VAC14: variants seen among roughly 807,000 people sequenced by gnomAD.
VAC14 encodes the protein VAC14 component of PIKFYVE complex, also known as protein VAC14 homolog.
Under a neutral mutation model 85.3 loss-of-function variants are expected in VAC14, and 47 were observed. The ratio of observed to expected loss-of-function variants is 0.55; its 90% CI spans 0.44 to 0.70. The LOEUF (loss-of-function observed/expected upper bound fraction) is 0.70, where lower values mean the gene tolerates loss of function less well. Ranked by LOEUF, VAC14 falls within the 30% of genes least tolerant of loss-of-function variation. The pLI, the probability that VAC14 is intolerant of heterozygous loss-of-function variation, is 0.00. For missense variants in VAC14, 861 were observed against 1,004.3 expected, an observed-to-expected ratio of 0.86 and a Z score of 1.93; for synonymous variants, 447 against 430.5, an observed-to-expected ratio of 1.04 and a Z score of -0.47.
At chr16:70,693,773 G>A (rs954791329) in intron 17 of VAC14, among the ~76,000 whole-genome samples, 6 of 152,212 alleles carry the variant, frequency 3.9e-5, no homozygotes, top group Non-Finnish European at 7.3e-5. Context: ...CTACTTCCTT[G>A]TGTCCCTAGG....
Position 70,780,890 on chromosome 16 carries a change from G to A in VAC14, c.996C>T (p.Val332=), listed in dbSNP as rs1335864821. The A allele has an allele frequency of 6.2e-7, 1 of 1,614,062 alleles. No individual in the cohort carries two copies. Among genetic ancestry groups the A allele is most frequent in the Non-Finnish European group, 8.5e-7 (1 of 1,180,046 alleles). Residue 332 remains valine, a synonymous_variant, in exon 9 of 19, where the codon GTC becomes GTT. Transcript: ENST00000261776. ...CATCCAGCTCGTCGTCCTCGGGGGT[G>A]ACCAGCTTCATCAGGCTCTGGTTGC... ...NVCNQSLMKL[V]TPEDDELDEL...
At chr16:70,688,160 T>G (rs1201379730) in intron 18 of VAC14, 70 bp from the exon 19 acceptor site, 36 of 1,411,986 alleles carry the variant, frequency 2.5e-5, no homozygotes, top group Non-Finnish European at 3.1e-5. Context: ...TGGAGGGCAG[T>G]GGGGTCAGAG....
chr16:70,722,601 A>G (rs2054322424), intron 14 of VAC14, among the ~76,000 whole-genome samples: 1 of 152,190 alleles, frequency 6.6e-6, no homozygotes, highest in South Asian at 2.1e-4. Flanking sequence ...GGGACAAGAG[A>G]AAGAGCTTCC....
intron 10 of VAC14, among the ~76,000 whole-genome samples, chr16:70,767,631 T>C (rs2032918562): frequency 6.6e-6 from 1 of 152,138 alleles, no homozygotes; most frequent in Admixed American, 6.6e-5. Context: ...AAAGTGGAAC[T>C]CTCCAACTGC....
At position 70,695,698 on chromosome 16, in the gene VAC14, C is replaced by A. The variant is rs1056587169; in HGVS notation, c.1956-75G>T. 5.8e-5 allele frequency: 83 copies of A among 1,441,534 alleles called. No homozygotes were observed. In the Admixed American group the frequency reaches 9.0e-4, roughly 16 times the overall value. The allele number at this position is 1,441,534 out of a possible 1,614,324, so 89.3% of individuals were successfully genotyped here. A position where few individuals can be genotyped will look rare whatever the true frequency, so the allele number is the denominator to read the frequency against. Reference sequence around the variant, plus strand: ...GCTCACAGCACCACACGCCCTCCCCCCCTGCACCTGGCTTCCTGTGCACAG... The same window carrying A: ...GCTCACAGCACCACACGCCCTCCCCACCTGCACCTGGCTTCCTGTGCACAG... On this transcript the variant is annotated intron_variant, in intron 16 of 18. Transcript: ENST00000261776.
intron 14 of VAC14, among the ~76,000 whole-genome samples, chr16:70,702,116 T>G (rs2142992884): frequency 6.6e-6 from 1 of 152,286 alleles, no homozygotes; most frequent in Non-Finnish European, 1.5e-5. Flanking sequence ...CTCCACCCCC[T>G]CCGCCAGGCC....
chr16:70,691,160 T>C, intron 18 of VAC14: 1 of 985,506 alleles, frequency 1.0e-6, no homozygotes, highest in Non-Finnish European at 1.2e-6. Flanking sequence ...TCTGCAAACT[T>C]GTTCTACCCT....
chr16:70,704,872 C>A (rs529571353), intron 14 of VAC14, among the ~76,000 whole-genome samples: 8 of 152,172 alleles, frequency 5.3e-5, no homozygotes, highest in Admixed American at 5.2e-4. Context: ...GGCTCCCTGC[C>A]GTGCTCCGCC....
chr16:70,799,152 C>G (rs185753853), intron 1 of VAC14, among the ~76,000 whole-genome samples: 1 of 152,124 alleles, frequency 6.6e-6, no homozygotes, highest in African/African-American at 2.4e-5. Flanking sequence ...ACAATAAAAC[C>G]GGATATTCCT....
rs1324244905 is a variant in VAC14 at position 70,687,676 on chromosome 16, G to GT, written c.*251_*252insA. 4 of 382,488 alleles carry GT rather than the reference G, an allele frequency of 1.0e-5. No individual in the cohort carries two copies. Among genetic ancestry groups the GT allele is most frequent in the Non-Finnish European group, 1.8e-5 (4 of 216,746 alleles). 23.7% of individuals were successfully genotyped at this position (382,488 alleles called of 1,614,324 possible). On this transcript the variant is annotated 3_prime_UTR_variant, in exon 19 of 19. Transcript: ENST00000261776. Reference sequence around the variant, plus strand: ...TTCCAGAGGATGAGTGGTCTCTGAGGCTATAGCCCCCCACTGGGTGGGCAG... The same window carrying GT: ...TTCCAGAGGATGAGTGGTCTCTGAGGTCTATAGCCCCCCACTGGGTGGGCAG...
intron 13 of VAC14, among the ~76,000 whole-genome samples, chr16:70,742,278 A>C (rs1333417112): frequency 6.6e-6 from 1 of 152,072 alleles, no homozygotes; most frequent in East Asian, 1.9e-4. Context: ...TCCCTGCAGG[A>C]TGCCTCCTCT....
At position 70,784,786 on chromosome 16, in the gene VAC14, C is replaced by T. The variant is rs746878276; in HGVS notation, c.476G>A (p.Arg159His). ...ACAAAGTACAAATACCTTTAAAAGG[C>T]GGTCTAGGAGCTCAGATCCGCTTTT... is the stretch of plus-strand genomic sequence containing the variant. ...NVKSGSELLD[R>H]LLKDIVTESN... is the part of the protein sequence containing the mutation. The change falls in exon 4 of 19, where the codon CGC becomes CAC. Residue 159 changes from arginine (R) to histidine (H), a missense_variant. This residue lies in a region of VAC14 where 629 missense variants were observed against 703.1 expected (regional missense o/e 0.89). Transcript: ENST00000261776. The T allele has an allele frequency of 6.2e-6, 10 of 1,613,858 alleles. No individual in the cohort carries two copies. Among genetic ancestry groups the T allele is most frequent in the Non-Finnish European group, 6.8e-6 (8 of 1,179,960 alleles).
rs1229549412 is a variant in VAC14 at position 70,712,126 on chromosome 16, T to G, written c.1662-13315A>C. On this transcript the variant is annotated intron_variant, in intron 14 of 18. Transcript: ENST00000261776. ...AAAATTCCTTTTGTGATCAGCCATTTTCAGAGAATTTTAAGACGGATGAAA... is the reference window on the plus strand; with the variant it reads ...AAAATTCCTTTTGTGATCAGCCATTGTCAGAGAATTTTAAGACGGATGAAA... Among the ~76,000 whole-genome samples the G allele has an allele frequency of 5.9e-5, 9 of 152,142 alleles. No individual in the cohort carries two copies. In the East Asian group the frequency reaches 1.7e-3, roughly 29 times the overall value.
chr16:70,700,407 T>C (rs1597855846), intron 14 of VAC14, among the ~76,000 whole-genome samples: 1 of 152,144 alleles, frequency 6.6e-6, no homozygotes, highest in African/African-American at 2.4e-5. Context: ...TGGGGTTAGG[T>C]GGGAGGTGAA....
intron 1 of VAC14, among the ~76,000 whole-genome samples, chr16:70,792,188 C>CA (rs1174095401): frequency 1.3e-5 from 2 of 151,742 alleles, no homozygotes; most frequent in African/African-American, 2.4e-5. Flanking sequence ...AGTGCAGAGA[C>CA]AAAAAAAGAA....
chr16:70,724,484 T>A (rs1366027176), intron 14 of VAC14, among the ~76,000 whole-genome samples: 1 of 152,310 alleles, frequency 6.6e-6, no homozygotes, highest in East Asian at 1.9e-4. Context: ...CACAAGGTCA[T>A]CTTTTCACCT....
chr16:70,705,677 C>G (rs747946935), intron 14 of VAC14, among the ~76,000 whole-genome samples: 9 of 152,134 alleles, frequency 5.9e-5, no homozygotes, highest in Non-Finnish European at 1.0e-4. Flanking sequence ...CCGGCATGCC[C>G]TCAGCTGCTC....
chr16:70,786,191 C>G, intron 2 of VAC14, 24 bp downstream of exon 2: 1 of 1,611,520 alleles, frequency 6.2e-7, no homozygotes, highest in Non-Finnish European at 8.5e-7. Flanking sequence ...ACTGGTATGT[C>G]TGTCCCTTGG....
At chr16:70,789,032 C>T (rs930255050) in intron 1 of VAC14, among the ~76,000 whole-genome samples, 2 of 152,220 alleles carry the variant, frequency 1.3e-5, no homozygotes, top group African/African-American at 2.4e-5. Context: ...GCCAGTCTTC[C>T]GCAGGAAGCT....
Sources: gnomAD v4.1 joint callset for allele counts (sites outside exome capture counted in the v4.1 genomes callset) on GRCh38, gnomAD v4.1.1 for gene constraint, gnomAD v4.1.1 regional missense constraint, MANE v1.5 for transcripts, NCBI Gene and HGNC (gene_info 2026-07-23, HGNC 2026-07-21) for gene names.